Variants in PTCHD1 observed in about 807,000 individuals in gnomAD.
PTCHD1 encodes the protein patched domain containing 1, also known as patched domain-containing protein 1.
PTCHD1 carries 3 observed loss-of-function variants against 34.6 expected under a neutral mutation model. The observed-to-expected ratio is 0.09, with a 90% CI of 0.04 to 0.22. The LOEUF (loss-of-function observed/expected upper bound fraction) is 0.22. Ranked by LOEUF, PTCHD1 falls within the 10% of genes least tolerant of loss-of-function variation. PTCHD1 has a pLI of 1.00. For synonymous variants in PTCHD1, 305 were observed against 283.1 expected (o/e 1.08, Z -0.77); for missense variants, 504 against 685.5 (o/e 0.74, Z 2.96).
rs1601914213 is a variant in PTCHD1 at position 23,379,904 on chromosome X, A to G, written c.665A>G (p.Asn222Ser). ...TYYLQSINSL[N>S]DMVAERWESS... The stretch of plus-strand genomic sequence containing the variant: ...TACCTGCAGTCAATCAACAGTCTCA[A>G]TGACATGGTGGCTGAGAGGTGGGAG... The change falls in exon 2 of 3, where the codon AAT becomes AGT. Residue 222 changes from asparagine to serine, a missense_variant. Asn to Ser is a conservative substitution (Grantham distance 46, BLOSUM62 1). Transcript: ENST00000379361. The G allele has an allele frequency of 8.3e-7, 1 of 1,211,719 alleles. No homozygotes were observed. The highest frequency in any genetic ancestry group is 1.8e-5 in the South Asian group (1 of 56,977).
intron 1 of PTCHD1, among the ~76,000 whole-genome samples, chrX:23,357,434 G>A (rs1227006494): frequency 9.0e-6 from 1 of 111,271 alleles, no homozygotes; most frequent in African/African-American, 3.3e-5. Flanking sequence ...ATACATTGCT[G>A]GTGAGACTGT....
In PTCHD1 at chrX:23,394,314, A is replaced by G; in HGVS notation, c.*129A>G. 1 of 494,472 alleles carries G rather than the reference A, an allele frequency of 2.0e-6. No individual in the cohort carries two copies. Among genetic ancestry groups the G allele is most frequent in the Non-Finnish European group, 3.3e-6 (1 of 304,894 alleles). 40.8% of individuals were successfully genotyped at this position (494,472 alleles called of 1,213,427 possible). A position where few individuals can be genotyped will look rare whatever the true frequency, so the allele number is the denominator to read the frequency against. On this transcript the variant is annotated 3_prime_UTR_variant, in exon 3 of 3. Coordinates refer to ENST00000379361, the MANE Select transcript of PTCHD1 (RefSeq NM_173495.3). The stretch of plus-strand genomic sequence containing the variant: ...AAACAGGCATTGCCAAAAAAAAAAA[A>G]AAAAAAAAAAGGAAAGGACAGTGGG...
In PTCHD1 at chrX:23,393,399, A is replaced by G. The variant is rs1201930890; in HGVS notation, c.1881A>G (p.Gln627=). 2.5e-6 allele frequency: 3 copies of G among 1,211,178 alleles called. No individual in the cohort carries two copies. The highest frequency in any genetic ancestry group is 3.4e-6 in the Non-Finnish European group (3 of 894,843). The change falls in exon 3 of 3, where the codon CAA becomes CAG. Residue 627 remains glutamine (Q), a synonymous_variant. Transcript: ENST00000379361. ...AAGCCCCTCAATTTTCACATTTTCAAGAGGACATCATCTTCTCTAAAAAAT... is the reference window on the plus strand; with the variant it reads ...AAGCCCCTCAATTTTCACATTTTCAGGAGGACATCATCTTCTCTAAAAAAT... ...FLKAPQFSHF[Q]EDIIFSKKYN...
chrX:23,369,267 G>C (rs1470021971), intron 1 of PTCHD1, among the ~76,000 whole-genome samples: 4 of 111,213 alleles, frequency 3.6e-5, no homozygotes, highest in Non-Finnish European at 5.7e-5. Context: ...GTACTGGTCG[G>C]AGTTTTGTTG....
chrX:23,392,935 G>A lies in PTCHD1; in HGVS notation c.1417G>A (p.Glu473Lys), dbSNP rs148938422. Reference protein sequence around the residue: ...ARFSEDTAEGEEANTYESHLL... With the variant: ...ARFSEDTAEGKEANTYESHLL... The stretch of plus-strand genomic sequence containing the variant: ...ATTCAGTGAGGACACAGCTGAAGGC[G>A]AGGAAGCGAACACTTACGAGAGTCA... Residue 473 changes from glutamate (E) to lysine (K), a missense_variant, in exon 3 of 3, where the codon GAG becomes AAG. Transcript: ENST00000379361. 31 of 1,211,008 alleles carry A rather than the reference G, an allele frequency of 2.6e-5. No homozygotes were observed. In the African/African-American group the frequency reaches 3.1e-4, roughly 12 times the overall value.
chrX:23,338,948 C>T (rs1308807740), intron 1 of PTCHD1, among the ~76,000 whole-genome samples: 1 of 111,485 alleles, frequency 9.0e-6, no homozygotes, highest in African/African-American at 3.3e-5. Context: ...CAAAGTAAAG[C>T]ATAAGATATT....
chrX:23,362,150 G>A (rs900134670), intron 1 of PTCHD1, among the ~76,000 whole-genome samples: 1 of 111,766 alleles, frequency 8.9e-6, no homozygotes, highest in Admixed American at 9.5e-5. Flanking sequence ...TTCTTGAGGA[G>A]TATCTTTGTG....
intron 1 of PTCHD1, among the ~76,000 whole-genome samples, chrX:23,371,539 G>C (rs1922278532): frequency 1.8e-5 from 2 of 111,798 alleles, no homozygotes; most frequent in Non-Finnish European, 3.8e-5. Context: ...AGCCTGCTTA[G>C]AATTGAGATA....
chrX:23,336,706 G>C (rs1310909167), intron 1 of PTCHD1, among the ~76,000 whole-genome samples: 2 of 111,463 alleles, frequency 1.8e-5, no homozygotes, highest in African/African-American at 3.3e-5. Flanking sequence ...TTAATCCCGA[G>C]ATGTTTGTTT....
At chrX:23,356,918 A>G (rs1601906628) in intron 1 of PTCHD1, among the ~76,000 whole-genome samples, 1 of 112,106 alleles carries the variant, frequency 8.9e-6, no homozygotes, top group East Asian at 2.8e-4. Context: ...CTTTTCTGCC[A>G]GGCATTTCAT....
intron 1 of PTCHD1, among the ~76,000 whole-genome samples, chrX:23,369,822 C>T (rs1922233306): frequency 8.9e-6 from 1 of 111,768 alleles, no homozygotes; most frequent in Non-Finnish European, 1.9e-5. Flanking sequence ...GGAGGGCCAA[C>T]TTTAAACACA....
At chrX:23,377,386 T>C (rs1017868616) in intron 1 of PTCHD1, among the ~76,000 whole-genome samples, 1 of 112,255 alleles carries the variant, frequency 8.9e-6, no homozygotes, top group African/African-American at 3.2e-5. Flanking sequence ...AAATAACCTT[T>C]TATAATTTGA....
At chrX:23,338,988 A>G (rs1398963855) in intron 1 of PTCHD1, among the ~76,000 whole-genome samples, 1 of 111,720 alleles carries the variant, frequency 9.0e-6, no homozygotes, top group African/African-American at 3.3e-5. Context: ...GGATAGAAAG[A>G]AGATTTTTTT....
intron 1 of PTCHD1, among the ~76,000 whole-genome samples, chrX:23,338,148 G>A (rs1275360811): frequency 1.8e-5 from 2 of 111,759 alleles, no homozygotes; most frequent in Non-Finnish European, 3.8e-5. Context: ...TCCCCCCAGC[G>A]TTGGTTTCCC....
At chrX:23,342,676 A>G (rs1329928091) in intron 1 of PTCHD1, among the ~76,000 whole-genome samples, 1 of 111,065 alleles carries the variant, frequency 9.0e-6, no homozygotes, top group Non-Finnish European at 1.9e-5. Context: ...GTGGTTTTAG[A>G]TGCCAGACCT....
chrX:23,383,822 C>T (rs986527413), intron 2 of PTCHD1, among the ~76,000 whole-genome samples: 7 of 112,093 alleles, frequency 6.2e-5, no homozygotes, highest in African/African-American at 2.3e-4. Flanking sequence ...GGTCTATACC[C>T]TTATCGTGCA....
rs748153526 is a variant in PTCHD1, at chrX:23,393,596, C to T, written c.2078C>T (p.Ala693Val). Residue 693 changes from alanine to valine, a missense_variant, in exon 3 of 3, where the codon GCC becomes GTC. Transcript: ENST00000379361. ...TCCTTTGTATACATGGATCGATATG[C>T]CTCCTCTCTGGGAGCCCCCCTGCAC... is the stretch of plus-strand genomic sequence containing the variant. ...NPSFVYMDRY[A>V]SSLGAPLHNS... 1.7e-6 allele frequency: 2 copies of T among 1,208,796 alleles called. No homozygotes were observed. Among genetic ancestry groups the T allele is most frequent in the African/African-American group, 1.8e-5 (1 of 57,041 alleles).
chrX:23,391,009 G>A (rs765556636), intron 2 of PTCHD1, among the ~76,000 whole-genome samples: 37 of 111,881 alleles, frequency 3.3e-4, no homozygotes, highest in Non-Finnish European at 4.7e-4. Flanking sequence ...AGGAGTTATC[G>A]AAATCCACAA....
chrX:23,375,844 C>T lies in PTCHD1; in HGVS notation c.352-3747C>T, dbSNP rs139660864. On this transcript the variant is annotated intron_variant, in intron 1 of 2. Coordinates refer to ENST00000379361, the MANE Select transcript of PTCHD1 (RefSeq NM_173495.3). ...TAGAAAGCACTTAGAAAACTAATTACTATTATCATTATCATTCTTAACCTG... is the reference window on the plus strand; with the variant it reads ...TAGAAAGCACTTAGAAAACTAATTATTATTATCATTATCATTCTTAACCTG... Among the ~76,000 whole-genome samples the T allele has an allele frequency of 8.7e-3, 977 of 112,111 alleles. 9 individuals are homozygous for T. Among genetic ancestry groups the T allele is most frequent in the Middle Eastern group, 0.032 (7 of 217 alleles).
Sources: gnomAD v4.1 joint callset for allele counts (sites outside exome capture counted in the v4.1 genomes callset) on GRCh38, gnomAD v4.1.1 for gene constraint, MANE v1.5 for transcripts, NCBI Gene and HGNC (gene_info 2026-07-23, HGNC 2026-07-21) for gene names.